Variants in SRGAP2C observed in about 807,000 individuals in gnomAD.
The protein encoded by SRGAP2C is SLIT-ROBO Rho GTPase activating protein 2C.
In SRGAP2C, 15 loss-of-function variants were observed where a neutral mutation model predicts 25.1. That is an observed-to-expected ratio of 0.60 (90% CI 0.40 to 0.92). SRGAP2C has a LOEUF of 0.92. Among genes scored for constraint, SRGAP2C ranks in the 40% least tolerant of loss-of-function variants. SRGAP2C has a pLI of 0.00. For synonymous variants in SRGAP2C, 44 were observed against 96.6 expected (o/e 0.46, Z 3.19); for missense variants, 144 against 264.4 (o/e 0.54, Z 3.16).
At chr1:121,385,653 T>A (rs1362487916) in intron 8 of SRGAP2C, among the ~76,000 whole-genome samples, 4 of 152,144 alleles carry the variant, frequency 2.6e-5, no homozygotes, top group African/African-American at 4.8e-5. Context: ...TCTATCCAGA[T>A]GTCTCTCTGC....
In SRGAP2C at chr1:121,235,026, CT is replaced by C. The variant is rs587610530; in HGVS notation, c.67+47526del. 1.3e-3 allele frequency among the ~76,000 whole-genome samples: 180 copies of C among 137,918 alleles called. 1 individual carries two copies. The highest frequency in any genetic ancestry group is 1.1e-3 in the Admixed American group (16 of 14,130). The allele number at this position is 137,918 out of a possible 152,430, so 90.5% of individuals were successfully genotyped here. The stretch of plus-strand genomic sequence containing the variant: ...CTCTTTCTTTCTCTTTTCTTTCTTT[CT>C]TTTTTTTTTTTTGAGGCGGAGTCTC... On this transcript the variant is annotated intron_variant, in intron 2 of 9. Coordinates refer to ENST00000367123, the MANE Select transcript of SRGAP2C (RefSeq NM_001329984.2).
At chr1:121,234,716 T>C in intron 2 of SRGAP2C, among the ~76,000 whole-genome samples, 1 of 149,086 alleles carries the variant, frequency 6.7e-6, no homozygotes, top group South Asian at 2.1e-4. Context: ...TAGCTGCTTT[T>C]GATAAAGTAG....
chr1:121,335,650 G>A (rs1307926410), intron 4 of SRGAP2C, among the ~76,000 whole-genome samples: 3 of 150,716 alleles, frequency 2.0e-5, no homozygotes, highest in African/African-American at 4.9e-5. Context: ...ATGGGGTCTC[G>A]CTGTGGTTCC....
intron 5 of SRGAP2C, among the ~76,000 whole-genome samples, chr1:121,370,629 A>G (rs1659460458): frequency 1.3e-5 from 2 of 151,874 alleles, no homozygotes; most frequent in South Asian, 4.2e-4. Flanking sequence ...TATTTTTAGT[A>G]GAGACGGGGT....
At chr1:121,207,661 AAG>A (rs1655148414) in intron 2 of SRGAP2C, among the ~76,000 whole-genome samples, 2 of 152,166 alleles carry the variant, frequency 1.3e-5, no homozygotes, top group South Asian at 4.1e-4. Flanking sequence ...GATATGTTGA[AAG>A]AGGGGATCAG....
intron 3 of SRGAP2C, among the ~76,000 whole-genome samples, chr1:121,303,405 C>T (rs1177803915): frequency 2.0e-5 from 3 of 151,294 alleles, no homozygotes; most frequent in African/African-American, 7.3e-5. Flanking sequence ...TTCAAGCTGG[C>T]TTCTGTGTCT....
intron 2 of SRGAP2C, among the ~76,000 whole-genome samples, chr1:121,204,585 T>C (rs1213522489): frequency 3.9e-5 from 6 of 152,324 alleles, no homozygotes; most frequent in African/African-American, 1.4e-4. Flanking sequence ...AATGGCAATC[T>C]AGAGACAACT....
chr1:121,328,206 C>G (rs1320813292), intron 4 of SRGAP2C, among the ~76,000 whole-genome samples: 2 of 151,980 alleles, frequency 1.3e-5, no homozygotes, highest in East Asian at 1.9e-4. Flanking sequence ...AAATTGGGAT[C>G]CAAATACATA....
intron 2 of SRGAP2C, among the ~76,000 whole-genome samples, chr1:121,269,905 C>A (rs1656898271): frequency 6.6e-6 from 1 of 151,008 alleles, no homozygotes; most frequent in East Asian, 1.9e-4. Flanking sequence ...TTTTAAACTT[C>A]CTTGCACTAC....
At chr1:121,329,347 G>T (rs1159110322) in intron 4 of SRGAP2C, among the ~76,000 whole-genome samples, 2 of 150,556 alleles carry the variant, frequency 1.3e-5, no homozygotes, top group African/African-American at 4.9e-5. Flanking sequence ...ACAGAGAAGA[G>T]AAAATCCTGG....
At chr1:121,375,841 C>T (rs61806695) in intron 7 of SRGAP2C, among the ~76,000 whole-genome samples, 9 of 151,728 alleles carry the variant, frequency 5.9e-5, no homozygotes, top group South Asian at 2.1e-4. Flanking sequence ...CAGAGGACTA[C>T]GAGACTCACT....
At position 121,372,460 on chromosome 1, in the gene SRGAP2C, C is replaced by A. The variant is rs58415387; in HGVS notation, c.487-1511C>A. ...GACACTGCCACATTTCCCCTGGGGG[C>A]CAAAATAGCCCCAGGTTGAGACACT... On this transcript the variant is annotated intron_variant, in intron 5 of 9. Coordinates refer to ENST00000367123, the MANE Select transcript of SRGAP2C (RefSeq NM_001329984.2). Among the ~76,000 whole-genome samples the A allele has an allele frequency of 2.7e-3, 379 of 140,256 alleles. 4 individuals are homozygous for A. The highest frequency in any genetic ancestry group is 9.9e-3 in the African/African-American group (364 of 36,762). 92.0% of individuals were successfully genotyped at this position (140,256 alleles called of 152,430 possible).
chr1:121,219,091 C>T (rs1329657990), intron 2 of SRGAP2C, among the ~76,000 whole-genome samples: 1 of 151,986 alleles, frequency 6.6e-6, no homozygotes, highest in Non-Finnish European at 1.5e-5. Context: ...TTTTTATACT[C>T]ATATTTCACT....
chr1:121,313,857 C>G (rs1373734647), intron 3 of SRGAP2C, among the ~76,000 whole-genome samples: 2 of 133,006 alleles, frequency 1.5e-5, no homozygotes, highest in African/African-American at 5.6e-5. Context: ...CTGCCCTTAA[C>G]ATTTTTTCCT....
chr1:121,314,827 A>T (rs1558115061), intron 3 of SRGAP2C: 1 of 494,160 alleles, frequency 2.0e-6, no homozygotes, highest in African/African-American at 2.0e-5. Flanking sequence ...TGCTCTCTTC[A>T]AAGCTCAGAT....
At chr1:121,255,517 C>G (rs1313281890) in intron 2 of SRGAP2C, among the ~76,000 whole-genome samples, 2 of 150,620 alleles carry the variant, frequency 1.3e-5, no homozygotes, top group East Asian at 3.9e-4. Flanking sequence ...TACTTTTATT[C>G]CTAATTCTCC....
intron 3 of SRGAP2C, among the ~76,000 whole-genome samples, chr1:121,317,013 G>T (rs1468809227): frequency 6.7e-6 from 1 of 148,498 alleles, no homozygotes; most frequent in Non-Finnish European, 1.5e-5. Flanking sequence ...TGGGCAGGCA[G>T]ATTTTCGAAG....
intron 2 of SRGAP2C, among the ~76,000 whole-genome samples, chr1:121,249,580 ATTT>A (rs1159053572): frequency 5.8e-3 from 129 of 22,318 alleles, no homozygotes; most frequent in South Asian, 0.024. Context: ...ATATATATAT[ATTT>A]TTTTTTTTTT....
At chr1:121,357,509 CT>C (rs1157243669) in intron 4 of SRGAP2C, among the ~76,000 whole-genome samples, 15 of 152,160 alleles carry the variant, frequency 9.9e-5, no homozygotes, top group African/African-American at 3.6e-4. Flanking sequence ...TATGATCTTT[CT>C]TTGTTTTGTT....
Sources: allele counts gnomAD v4.1 joint callset (sites outside exome capture counted in the v4.1 genomes callset), GRCh38; gene constraint gnomAD v4.1.1; transcripts MANE v1.5; gene names NCBI Gene and HGNC (gene_info 2026-07-23, HGNC 2026-07-21).